LPP: variants seen among roughly 807,000 people sequenced by gnomAD.
The protein encoded by LPP is LIM domain containing preferred translocation partner in lipoma, also known as lipoma-preferred partner.
A neutral mutation model predicts 60.4 loss-of-function variants in LPP; 38 were observed. The observed-to-expected ratio is 0.63, with a 90% CI of 0.49 to 0.83. LPP has a LOEUF of 0.83. Ranked by LOEUF, LPP falls within the 40% of genes least tolerant of loss-of-function variation. The pLI, the probability that LPP is intolerant of heterozygous loss-of-function variation, is 0.00. For synonymous variants in LPP, 328 were observed against 290.8 expected (o/e 1.13, Z -1.30); for missense variants, 902 against 783.6 (o/e 1.15, Z -1.80).
At chr3:188,495,083 T>TATATATATATATTTA (rs57578460) in intron 5 of LPP, among the ~76,000 whole-genome samples, 1 of 77,810 alleles carries the variant, frequency 1.3e-5, no homozygotes, top group African/African-American at 8.6e-5. Context: ...TATATATATA[T>TATATATATATATTTA]TTTATTTATA....
At chr3:188,384,686 A>C (rs1777771529) in intron 3 of LPP, among the ~76,000 whole-genome samples, 1 of 149,580 alleles carries the variant, frequency 6.7e-6, no homozygotes, top group Admixed American at 6.7e-5. Context: ...GTTACTTGGG[A>C]GGCTGAGGCA....
chr3:188,316,256 C>T (rs1196861476), intron 2 of LPP, among the ~76,000 whole-genome samples: 9 of 151,896 alleles, frequency 5.9e-5, no homozygotes, highest in African/African-American at 1.7e-4. Context: ...CCAGCCTGGA[C>T]GAAAAGAGTG....
In LPP at chr3:188,877,147, T is replaced by G; in HGVS notation, c.*2668T>G. 5.7e-6 allele frequency: 1 copy of G among 174,354 alleles called. No individual in the cohort carries two copies. The highest frequency in any genetic ancestry group is 1.2e-5 in the Non-Finnish European group (1 of 80,706). 10.8% of individuals were successfully genotyped at this position (174,354 alleles called of 1,614,324 possible). ...GGGTTTCTTAAATATATGATTTATA[T>G]TACTGTCTTTTCTATTAATCATTTG... On this transcript the variant is annotated 3_prime_UTR_variant, in exon 12 of 12. Coordinates refer to ENST00000617246, the MANE Select transcript of LPP (RefSeq NM_001375462.1).
intron 5 of LPP, among the ~76,000 whole-genome samples, chr3:188,511,495 T>G (rs1253937955): frequency 6.6e-6 from 1 of 152,002 alleles, no homozygotes; most frequent in African/African-American, 2.4e-5. Context: ...TGACCTAATT[T>G]TTGGTAATCT....
At position 188,600,958 on chromosome 3, in the gene LPP, A is replaced by ATG. The variant is rs1288445707; in HGVS notation, c.430-8193_430-8192dup. ...TGTATAGATATATAGATAGATATAG[A>ATG]TGTGTGTGTGTATATATATATATCA... On this transcript the variant is annotated intron_variant, in intron 6 of 11. Coordinates refer to ENST00000617246, the MANE Select transcript of LPP (RefSeq NM_001375462.1). 2.1e-3 allele frequency among the ~76,000 whole-genome samples: 313 copies of ATG among 152,060 alleles called. 2 individuals are homozygous for ATG. The highest frequency in any genetic ancestry group is 7.3e-3 in the African/African-American group (302 of 41,486).
chr3:188,250,824 T>C (rs558642128), intron 2 of LPP, among the ~76,000 whole-genome samples: 17 of 141,264 alleles, frequency 1.2e-4, no homozygotes, highest in African/African-American at 2.2e-4. Flanking sequence ...CTTTCTTTCT[T>C]TTTCTTTCTT....
chr3:188,236,593 C>A (rs1404337843), intron 2 of LPP, among the ~76,000 whole-genome samples: 1 of 152,166 alleles, frequency 6.6e-6, no homozygotes, highest in African/African-American at 2.4e-5. Flanking sequence ...CGCAATAAAA[C>A]AAATATTGCA....
chr3:188,757,142 A>G (rs767373712), intron 8 of LPP, among the ~76,000 whole-genome samples: 12 of 152,188 alleles, frequency 7.9e-5, no homozygotes, highest in Non-Finnish European at 1.6e-4. Flanking sequence ...TCCACATTCC[A>G]TAGCACTTTC....
intron 8 of LPP, among the ~76,000 whole-genome samples, chr3:188,736,286 GT>G (rs1263006694): frequency 6.6e-6 from 1 of 152,028 alleles, no homozygotes; most frequent in African/African-American, 2.4e-5. Flanking sequence ...GAAAAAATAT[GT>G]AAGAATAATA....
chr3:188,163,457 C>A (rs951154715), intron 1 of LPP, among the ~76,000 whole-genome samples: 2 of 152,128 alleles, frequency 1.3e-5, no homozygotes, highest in Non-Finnish European at 2.9e-5. Flanking sequence ...CAGAGGACTT[C>A]AGTGGTATCA....
intron 5 of LPP, among the ~76,000 whole-genome samples, chr3:188,517,260 C>CT (rs1817627459): frequency 6.6e-6 from 1 of 152,094 alleles, no homozygotes; most frequent in Admixed American, 6.5e-5. Context: ...CACCAGTATT[C>CT]TTTTTTATTA....
At chr3:188,459,449 A>G (rs973318728) in intron 4 of LPP, among the ~76,000 whole-genome samples, 1 of 152,186 alleles carries the variant, frequency 6.6e-6, no homozygotes, top group African/African-American at 2.4e-5. Context: ...TCTTGGTATC[A>G]CAGCACATCT....
intron 6 of LPP, among the ~76,000 whole-genome samples, chr3:188,602,735 A>AT (rs66823058): frequency 2.7e-5 from 4 of 150,906 alleles, no homozygotes; most frequent in Non-Finnish European, 4.4e-5. Context: ...TATTAAAAAA[A>AT]AAAAAAGGAG....
chr3:188,760,349 C>G (rs1207372978), intron 9 of LPP, 67 bp downstream of exon 9: 7 of 1,530,452 alleles, frequency 4.6e-6, no homozygotes, highest in African/African-American at 1.4e-5. Flanking sequence ...GCCAGTCACT[C>G]TAGATAGAAT....
intron 9 of LPP, among the ~76,000 whole-genome samples, chr3:188,836,612 G>A (rs572738233): frequency 1.1e-3 from 162 of 152,324 alleles, no homozygotes; most frequent in African/African-American, 3.7e-3. Context: ...GTTTGATTCC[G>A]TGAGCTGCTT....
At chr3:188,239,945 T>C (rs558934558) in intron 2 of LPP, 1 of 201,610 alleles carries the variant, frequency 5.0e-6, no homozygotes, top group Non-Finnish European at 1.0e-5. Flanking sequence ...TTGCAATTTA[T>C]TTTATCCCAA....
chr3:188,268,288 CA>C (rs5855187), intron 2 of LPP, among the ~76,000 whole-genome samples: 17,276 of 151,348 alleles, frequency 0.11, 1,329 homozygotes, highest in African/African-American at 0.21. Flanking sequence ...AAAACAAAAA[CA>C]AAAAAAACAA....
chr3:188,548,101 G>A (rs1189540658), intron 6 of LPP, among the ~76,000 whole-genome samples: 1 of 152,186 alleles, frequency 6.6e-6, no homozygotes, highest in Admixed American at 6.5e-5. Context: ...GTAAATTCCT[G>A]TGGATCAAAG....
chr3:188,525,815 G>C (rs1341609719), intron 6 of LPP, among the ~76,000 whole-genome samples: 1 of 152,228 alleles, frequency 6.6e-6, no homozygotes, highest in Non-Finnish European at 1.5e-5. Context: ...ACTAGAATGT[G>C]ATGGTTGCAA....
Sources: allele counts gnomAD v4.1 joint callset (sites outside exome capture counted in the v4.1 genomes callset), GRCh38; gene constraint gnomAD v4.1.1; transcripts MANE v1.5; gene names NCBI Gene and HGNC (gene_info 2026-07-23, HGNC 2026-07-21).